The following CCDC15 variants were observed in gnomAD, a reference collection of about 807,000 sequenced individuals.
CCDC15 encodes the protein coiled-coil domain-containing protein 15.
Under a neutral mutation model 114.5 loss-of-function variants are expected in CCDC15, and 105 were observed. That is an observed-to-expected ratio of 0.92 (90% CI 0.78 to 1.08). The LOEUF is 1.08. CCDC15 is among the 50% of genes least tolerant of loss of function. The probability of loss-of-function intolerance (pLI) is 0.00; values close to 1 mark genes in which losing one functional copy is unlikely to be tolerated. For synonymous variants in CCDC15, 334 were observed against 377.8 expected, an observed-to-expected ratio of 0.88 and a Z score of 1.34; for missense variants, 1,105 against 1,093.6, an observed-to-expected ratio of 1.01 and a Z score of -0.15.
intron 13 of CCDC15, chr11:125,038,216 A>G (rs1948789151): frequency 2.9e-6 from 1 of 342,684 alleles, no homozygotes; most frequent in African/African-American, 2.1e-5. Context: ...CACCGCACCT[A>G]GCCAGGAAGA....
intron 4 of CCDC15, among the ~76,000 whole-genome samples, chr11:124,972,039 T>C (rs947539555): frequency 6.6e-6 from 1 of 152,224 alleles, no homozygotes; most frequent in Non-Finnish European, 1.5e-5. Flanking sequence ...TAAACATTAG[T>C]CACAGCTGAT....
rs906642767 is a variant in CCDC15, at chr11:124,961,075, G to T, written c.516+1072G>T. ...ACTCTTTCTTGTCATTGTTCAGTTT[G>T]TAATAATCATTTTTATTTGTTTAGC... On this transcript the variant is annotated intron_variant, in intron 4 of 15. Transcript: ENST00000344762. 2.0e-5 allele frequency among the ~76,000 whole-genome samples: 3 copies of T among 152,116 alleles called. No individual in the cohort carries two copies. The South Asian group carries it at 6.2e-4, about 31-fold the overall frequency.
At position 124,993,300 on chromosome 11, in the gene CCDC15, T is replaced by C. The variant is rs1948303151; in HGVS notation, c.2214+57T>C. On this transcript the variant is annotated intron_variant, in intron 11 of 15. Transcript: ENST00000344762. ...TCTTCTAGAGAAGTAGAGCAGAATA[T>C]AGTGAGTAAGTAACAGAGTGTAAAT... 16 of 1,159,826 alleles carry C rather than the reference T, an allele frequency of 1.4e-5. No homozygotes were observed. In the East Asian group the frequency reaches 3.9e-4, roughly 28 times the overall value. 71.8% of individuals were successfully genotyped at this position (1,159,826 alleles called of 1,614,324 possible). A position where few individuals can be genotyped will look rare whatever the true frequency, so the allele number is the denominator to read the frequency against.
intron 15 of CCDC15, 189 bp downstream of exon 15, chr11:125,039,258 ATCT>A (rs1422840640): frequency 1.5e-5 from 7 of 459,838 alleles, no homozygotes; most frequent in Non-Finnish European, 2.6e-5. Flanking sequence ...GAGATCTGTT[ATCT>A]TCTTGTCTCC....
intron 6 of CCDC15, among the ~76,000 whole-genome samples, chr11:124,983,820 G>T (rs1242686612): frequency 6.6e-6 from 1 of 152,146 alleles, no homozygotes; most frequent in African/African-American, 2.4e-5. Context: ...CAGGTGCAGG[G>T]GTGCTGGCCT....
intron 13 of CCDC15, among the ~76,000 whole-genome samples, chr11:125,021,048 T>C (rs1948657718): frequency 6.6e-6 from 1 of 151,678 alleles, no homozygotes; most frequent in Non-Finnish European, 1.5e-5. Context: ...TTATAGATGG[T>C]AGTGTATAGT....
intron 2 of CCDC15, 71 bp downstream of exon 2, chr11:124,954,980 G>A: frequency 7.2e-7 from 1 of 1,387,844 alleles, no homozygotes; most frequent in Non-Finnish European, 1.0e-6. Context: ...TCTAATCCTG[G>A]GTGCTTAAAG....
rs147120753 is a variant in CCDC15 at position 124,993,516 on chromosome 11, G to A, written c.2214+273G>A. ...CCATTGCCACAGGAATGATGATCCC[G>A]CTTGGATAACTTATGTTCAGTGTTT... On this transcript the variant is annotated intron_variant, in intron 11 of 15. Transcript: ENST00000344762. Among the ~76,000 whole-genome samples the A allele has an allele frequency of 5.3e-3, 808 of 152,234 alleles. 10 individuals carry two copies. Among genetic ancestry groups the A allele is most frequent in the Non-Finnish European group, 5.8e-3 (393 of 68,010 alleles).
At chr11:125,023,772 T>TGG (rs1948677401) in intron 13 of CCDC15, among the ~76,000 whole-genome samples, 1 of 152,004 alleles carries the variant, frequency 6.6e-6, no homozygotes, top group African/African-American at 2.4e-5. Flanking sequence ...ACATAACGTG[T>TGG]GGCATATCTG....
chr11:125,011,323 C>T (rs1459853162), intron 13 of CCDC15, among the ~76,000 whole-genome samples: 2 of 151,586 alleles, frequency 1.3e-5, no homozygotes, highest in Non-Finnish European at 2.9e-5. Context: ...CTGCAACCTC[C>T]ACCTCCCGAG....
chr11:124,954,470 A>G, intron 1 of CCDC15, 100 bp downstream of exon 1: 1 of 316,110 alleles, frequency 3.2e-6, no homozygotes, highest in Admixed American at 4.2e-5. Context: ...TCTCATTCCC[A>G]TCCTTTCTCT....
At chr11:124,962,323 CAT>C (rs1454172057) in intron 4 of CCDC15, among the ~76,000 whole-genome samples, 18 of 152,176 alleles carry the variant, frequency 1.2e-4, no homozygotes, top group Admixed American at 2.0e-4. Flanking sequence ...GTTATAGAAA[CAT>C]GTGATCTTGG....
intron 8 of CCDC15, among the ~76,000 whole-genome samples, chr11:124,989,886 A>G (rs1214377196): frequency 1.3e-5 from 2 of 152,216 alleles, no homozygotes; most frequent in Admixed American, 1.3e-4. Flanking sequence ...TGATCTGTCC[A>G]TACTGCTAAA....
intron 11 of CCDC15, among the ~76,000 whole-genome samples, chr11:125,000,746 A>G (rs1185350042): frequency 6.6e-6 from 1 of 152,042 alleles, no homozygotes; most frequent in Non-Finnish European, 1.5e-5. Flanking sequence ...AAATAATAAT[A>G]GCTTTATTGA....
chr11:125,011,699 AT>A (rs1344352752), intron 13 of CCDC15, among the ~76,000 whole-genome samples: 1 of 152,164 alleles, frequency 6.6e-6, no homozygotes, highest in Admixed American at 6.5e-5. Context: ...TGCCTCTAAT[AT>A]TTGCAGGATT....
chr11:124,985,222 G>A (rs12794287), intron 6 of CCDC15, among the ~76,000 whole-genome samples: 2 of 135,302 alleles, frequency 1.5e-5, no homozygotes, highest in East Asian at 1.9e-4. Context: ...TTGTATAGAT[G>A]TACCACATTT....
intron 13 of CCDC15, among the ~76,000 whole-genome samples, chr11:125,011,308 A>G (rs1251642689): frequency 1.3e-5 from 2 of 150,158 alleles, no homozygotes; most frequent in African/African-American, 4.9e-5. Context: ...CACGATCTCG[A>G]CTCACTGCAA....
intron 11 of CCDC15, among the ~76,000 whole-genome samples, chr11:125,001,546 C>T (rs142370156): frequency 5.8e-4 from 88 of 152,320 alleles, no homozygotes; most frequent in African/African-American, 1.9e-3. Context: ...TCCTGTACCA[C>T]GCCACTTTTC....
intron 13 of CCDC15, among the ~76,000 whole-genome samples, chr11:125,025,039 C>CATATGAATACATATGAATATAT (rs1948687112): frequency 3.6e-5 from 1 of 27,486 alleles, no homozygotes; most frequent in African/African-American, 1.2e-4. Context: ...TATATGAATA[C>CATATGAATACATATGAATATAT]ATATGAATAT....
Sources: allele counts gnomAD v4.1 joint callset (sites outside exome capture counted in the v4.1 genomes callset), GRCh38; gene constraint gnomAD v4.1.1; transcripts MANE v1.5; gene names NCBI Gene and HGNC (gene_info 2026-07-23, HGNC 2026-07-21).